Variants in RPS6KC1 observed in about 807,000 individuals in gnomAD.
RPS6KC1 encodes ribosomal protein S6 kinase C1.
RPS6KC1 carries 54 observed loss-of-function variants against 103.8 expected under a neutral mutation model. The observed-to-expected ratio is 0.52, with a 90% CI of 0.42 to 0.65. RPS6KC1 has a LOEUF of 0.65. Ranked by LOEUF, RPS6KC1 falls within the 30% of genes least tolerant of loss-of-function variation. The probability of loss-of-function intolerance (pLI) is 0.00; values close to 1 mark genes in which losing one functional copy is unlikely to be tolerated. For missense variants in RPS6KC1, 1,151 were observed against 1,253.8 expected (o/e 0.92, Z 1.24); for synonymous variants, 439 against 438.7 (o/e 1.00, Z -0.01).
the RPS6KC1 span, among the ~76,000 whole-genome samples, chr1:213,376,657 G>A: frequency 3.3e-5 from 5 of 152,180 alleles, no homozygotes; most frequent in Admixed American, 3.3e-4. Flanking sequence ...GGCAGTAGGA[G>A]TTGATGGTTG....
chr1:213,636,458 A>C, the RPS6KC1 span, among the ~76,000 whole-genome samples: 1 of 152,114 alleles, frequency 6.6e-6, no homozygotes, highest in Non-Finnish European at 1.5e-5. Flanking sequence ...CAGAAATAAC[A>C]CCACACATCT....
the RPS6KC1 span, among the ~76,000 whole-genome samples, chr1:213,484,195 T>G: frequency 1.3e-5 from 2 of 152,234 alleles, no homozygotes; most frequent in Admixed American, 1.3e-4. Flanking sequence ...ACCTCTATTA[T>G]CTATCACTGC....
intron 7 of RPS6KC1, among the ~76,000 whole-genome samples, chr1:213,174,207 G>A (rs78511025): frequency 0.02 from 3,114 of 152,248 alleles, 107 homozygotes; most frequent in African/African-American, 0.069. Context: ...ATAGTAGTTG[G>A]AGTTCTTCCA....
At chr1:213,532,186 C>T in the RPS6KC1 span, among the ~76,000 whole-genome samples, 37,776 of 152,074 alleles carry the variant, frequency 0.25, 7,452 homozygotes, top group African/African-American at 0.55. Context: ...CAACTTGGAG[C>T]GGGCACCAAG....
chr1:213,690,082 C>G, the RPS6KC1 span, among the ~76,000 whole-genome samples: 1 of 152,188 alleles, frequency 6.6e-6, no homozygotes, highest in Non-Finnish European at 1.5e-5. Flanking sequence ...CTTTTGTGCT[C>G]AGTGCTTTCT....
At chr1:213,803,591 C>T in the RPS6KC1 span, among the ~76,000 whole-genome samples, 1,329 of 152,202 alleles carry the variant, frequency 8.7e-3, 12 homozygotes, top group South Asian at 0.039. Context: ...GAGGGAGCTT[C>T]TGCGTTTCAG....
At chr1:213,134,353 CT>C (rs2086016373) in intron 6 of RPS6KC1, among the ~76,000 whole-genome samples, 1 of 151,826 alleles carries the variant, frequency 6.6e-6, no homozygotes, top group African/African-American at 2.4e-5. Flanking sequence ...CTCTCCTTCC[CT>C]TTTACCTCCT....
chr1:213,464,232 CT>C, the RPS6KC1 span, among the ~76,000 whole-genome samples: 2 of 152,116 alleles, frequency 1.3e-5, no homozygotes, highest in African/African-American at 4.8e-5. Context: ...AGCTTTCCAC[CT>C]TTTTTTATGT....
rs923999341 is a variant in RPS6KC1 at position 213,274,694 on chromosome 1, TG to T, written c.*2062del. ...CTTCTGTGAATGGTACTGATTTTTG[TG>T]GTTGTTTTTTTTTTATATTTTGTTT... On this transcript the variant is annotated 3_prime_UTR_variant, in exon 15 of 15. Coordinates refer to ENST00000366960, the MANE Select transcript of RPS6KC1 (RefSeq NM_012424.6). 9 of 151,518 alleles carry T rather than the reference TG, an allele frequency of 5.9e-5. No individual in the cohort carries two copies. Among genetic ancestry groups the T allele is most frequent in the African/African-American group, 1.9e-4 (8 of 41,424 alleles). The allele number at this position is 151,518 out of a possible 1,614,324, so 9.4% of individuals were successfully genotyped here. A position where few individuals can be genotyped will look rare whatever the true frequency, so the allele number is the denominator to read the frequency against.
the RPS6KC1 span, among the ~76,000 whole-genome samples, chr1:213,462,603 A>T: frequency 6.6e-6 from 1 of 152,250 alleles, no homozygotes; most frequent in African/African-American, 2.4e-5. Context: ...TGTCCTTTGC[A>T]GAGACATGGA....
intron 8 of RPS6KC1, among the ~76,000 whole-genome samples, chr1:213,197,554 A>ATGTG (rs2092999335): frequency 6.6e-6 from 1 of 151,780 alleles, no homozygotes; most frequent in Non-Finnish European, 1.5e-5. Flanking sequence ...GTATGTATGT[A>ATGTG]TGTATTTTTT....
chr1:213,308,333 A>G, the RPS6KC1 span, among the ~76,000 whole-genome samples: 19 of 147,948 alleles, frequency 1.3e-4, no homozygotes, highest in Admixed American at 4.3e-4. Context: ...AAAAAAAAAA[A>G]AGAGAGAAAG....
intron 6 of RPS6KC1, among the ~76,000 whole-genome samples, chr1:213,151,836 C>T (rs1195485083): frequency 7.7e-6 from 1 of 130,292 alleles, no homozygotes; most frequent in Non-Finnish European, 1.7e-5. Context: ...GGGGCTGACC[C>T]CCCCACCTCC....
At chr1:213,276,246 C>T (rs1452541947), downstream of RPS6KC1, among the ~76,000 whole-genome samples, 1 of 152,136 alleles carries the variant, frequency 6.6e-6, no homozygotes, top group African/African-American at 2.4e-5. Flanking sequence ...AAGGGCTCCT[C>T]AGAGCATATT....
the RPS6KC1 span, among the ~76,000 whole-genome samples, chr1:213,626,076 T>A: frequency 3.9e-5 from 6 of 152,308 alleles, no homozygotes; most frequent in East Asian, 1.2e-3. Context: ...TTTCTCCACA[T>A]CCTCTCCAGC....
chr1:213,234,079 A>G (rs949078809), intron 10 of RPS6KC1, among the ~76,000 whole-genome samples: 2 of 143,504 alleles, frequency 1.4e-5, no homozygotes, highest in African/African-American at 2.6e-5. Flanking sequence ...TTAGAGTGCT[A>G]TGGTACAATC....
chr1:213,157,107 C>T (rs2089975924), intron 6 of RPS6KC1, among the ~76,000 whole-genome samples: 1 of 152,120 alleles, frequency 6.6e-6, no homozygotes, highest in South Asian at 2.1e-4. Flanking sequence ...CTTTCATTTT[C>T]ACTCAGCTTG....
the RPS6KC1 span, among the ~76,000 whole-genome samples, chr1:213,521,860 G>A: frequency 1.1e-4 from 17 of 152,126 alleles, no homozygotes; most frequent in African/African-American, 4.1e-4. Context: ...CACCACATCT[G>A]CAGTTACTTC....
chr1:213,769,773 G>T, the RPS6KC1 span, among the ~76,000 whole-genome samples: 7 of 152,294 alleles, frequency 4.6e-5, no homozygotes, highest in Admixed American at 4.6e-4. Flanking sequence ...GAGTGGAATA[G>T]CTTTGAACTG....
Sources: allele counts gnomAD v4.1 joint callset (sites outside exome capture counted in the v4.1 genomes callset), GRCh38; gene constraint gnomAD v4.1.1; transcripts MANE v1.5; gene names NCBI Gene and HGNC (gene_info 2026-07-23, HGNC 2026-07-21).